The following MEMO1 variants were observed in gnomAD, a reference collection of about 807,000 sequenced individuals.
MEMO1 encodes mediator of cell motility 1, also known as protein MEMO1.
MEMO1 carries 6 observed loss-of-function variants against 45.2 expected under a neutral mutation model. The ratio of observed to expected loss-of-function variants is 0.13; its 90% CI spans 0.07 to 0.26. The LOEUF is 0.26. Among genes scored for constraint, MEMO1 ranks in the 10% least tolerant of loss-of-function variants. The pLI is 1.00. For synonymous variants in MEMO1, 78 were observed against 124.3 expected (o/e 0.63, Z 2.48); for missense variants, 184 against 370.5 (o/e 0.50, Z 4.13).
chr2:31,877,395 C>A (rs183860477), intron 8 of MEMO1, among the ~76,000 whole-genome samples: 1 of 152,262 alleles, frequency 6.6e-6, no homozygotes, highest in African/African-American at 2.4e-5. Flanking sequence ...CAGTGGGATT[C>A]CAGGGATGCT....
chr2:31,923,504 C>T, intron 4 of MEMO1: 1 of 950,894 alleles, frequency 1.1e-6, no homozygotes, highest in South Asian at 3.6e-5. Flanking sequence ...TAAAAGATAG[C>T]ACTCTGGTCA....
intron 6 of MEMO1, among the ~76,000 whole-genome samples, chr2:31,912,161 C>A (rs1001750456): frequency 6.6e-6 from 1 of 151,970 alleles, no homozygotes; most frequent in Non-Finnish European, 1.5e-5. Context: ...AGGGTGAAAC[C>A]CTGTCTCTAC....
chr2:31,946,872 T>C (rs1451364715), intron 2 of MEMO1, among the ~76,000 whole-genome samples: 1 of 152,296 alleles, frequency 6.6e-6, no homozygotes, highest in East Asian at 1.9e-4. Flanking sequence ...ACTGTATTTT[T>C]ACTCTACCTT....
chr2:31,963,146 G>T, intron 2 of MEMO1: 2 of 1,521,472 alleles, frequency 1.3e-6, no homozygotes, highest in South Asian at 1.3e-5. Context: ...ATTTCTTAGG[G>T]CTTCAGACTC....
intron 6 of MEMO1, among the ~76,000 whole-genome samples, chr2:31,917,555 T>C (rs1429189891): frequency 1.3e-5 from 2 of 152,148 alleles, no homozygotes; most frequent in Non-Finnish European, 2.9e-5. Flanking sequence ...CAACATTAAA[T>C]ACAAGCCTAA....
intron 2 of MEMO1, among the ~76,000 whole-genome samples, chr2:31,973,789 G>A (rs1572862162): frequency 6.6e-6 from 1 of 152,194 alleles, no homozygotes; most frequent in East Asian, 1.9e-4. Flanking sequence ...ACAGAAAGCA[G>A]ATTTGTGGTT....
intron 5 of MEMO1, among the ~76,000 whole-genome samples, chr2:31,919,039 A>G (rs1015030131): frequency 6.6e-6 from 1 of 152,074 alleles, no homozygotes; most frequent in Non-Finnish European, 1.5e-5. Flanking sequence ...TGTGATACCT[A>G]AAGCCTCAAA....
intron 5 of MEMO1, among the ~76,000 whole-genome samples, chr2:31,918,533 T>C (rs1018889277): frequency 6.6e-6 from 1 of 152,162 alleles, no homozygotes; most frequent in African/African-American, 2.4e-5. Context: ...TGTGGTATTA[T>C]TTCACACCTG....
chr2:31,909,239 T>C (rs149410994), intron 6 of MEMO1, among the ~76,000 whole-genome samples: 26 of 152,158 alleles, frequency 1.7e-4, no homozygotes, highest in African/African-American at 6.3e-4. Context: ...CAATTCAACA[T>C]AGTACTGGAA....
intron 3 of MEMO1, among the ~76,000 whole-genome samples, chr2:31,938,254 T>G (rs1007339801): frequency 2.6e-5 from 4 of 152,058 alleles, no homozygotes; most frequent in African/African-American, 9.7e-5. Flanking sequence ...TTTCAAAAAC[T>G]TGCCATTTTC....
chr2:31,995,820 C>T (rs971962125), intron 2 of MEMO1, among the ~76,000 whole-genome samples: 3 of 151,896 alleles, frequency 2.0e-5, no homozygotes, highest in Non-Finnish European at 2.9e-5. Context: ...CAAAACTATT[C>T]AAAGGTACAT....
chr2:31,869,966 AAAAG>A lies in MEMO1; in HGVS notation c.658-18_658-15del, dbSNP rs749358382. The stretch of plus-strand genomic sequence containing the variant: ...AATACTCATACCCTAAAAAAAAAAA[AAAAG>A]AAGAGGAAGAAAAAAATAAAAGAAG... On this transcript the variant is annotated splice_polypyrimidine_tract_variant and intron_variant, in intron 8 of 9. Coordinates refer to ENST00000404530, the MANE Select transcript of MEMO1 (RefSeq NM_001301833.4). 1,484 of 1,460,116 alleles carry A rather than the reference AAAAG, an allele frequency of 1.0e-3. No homozygotes were observed. Among genetic ancestry groups the A allele is most frequent in the South Asian group, 3.8e-3 (252 of 66,472 alleles). 90.4% of individuals were successfully genotyped at this position (1,460,116 alleles called of 1,614,324 possible). A position where few individuals can be genotyped will look rare whatever the true frequency, so the allele number is the denominator to read the frequency against.
intron 6 of MEMO1, among the ~76,000 whole-genome samples, chr2:31,895,578 C>G (rs1478563785): frequency 6.6e-6 from 1 of 151,996 alleles, no homozygotes; most frequent in Non-Finnish European, 1.5e-5. Flanking sequence ...ATTAACCAAT[C>G]AGAACAGAGA....
chr2:31,977,511 T>C (rs1558548763), intron 2 of MEMO1, among the ~76,000 whole-genome samples: 1 of 152,004 alleles, frequency 6.6e-6, no homozygotes, highest in Non-Finnish European at 1.5e-5. Flanking sequence ...TATTTACTTA[T>C]TTAATTTATT....
At chr2:31,912,235 C>A (rs912572989) in intron 6 of MEMO1, among the ~76,000 whole-genome samples, 1 of 152,070 alleles carries the variant, frequency 6.6e-6, no homozygotes, top group African/African-American at 2.4e-5. Context: ...ACTTGGGAGG[C>A]TGAGGCAGGA....
chr2:31,919,183 T>G (rs751369873), intron 5 of MEMO1, among the ~76,000 whole-genome samples: 3 of 151,764 alleles, frequency 2.0e-5, no homozygotes, highest in East Asian at 1.9e-4. Flanking sequence ...CCAGGCTGGG[T>G]GACAGCATTT....
chr2:31,908,109 G>A (rs1680028239), intron 6 of MEMO1, among the ~76,000 whole-genome samples: 1 of 152,066 alleles, frequency 6.6e-6, no homozygotes, highest in Non-Finnish European at 1.5e-5. Flanking sequence ...TGGTACTTGG[G>A]TCATTCAATA....
chr2:32,006,643 G>T (rs1457037885), intron 2 of MEMO1, among the ~76,000 whole-genome samples: 1 of 151,198 alleles, frequency 6.6e-6, no homozygotes, highest in African/African-American at 2.4e-5. Flanking sequence ...GCCACAGTTA[G>T]TTTGCTGATA....
At chr2:31,900,013 T>C (rs183519543) in intron 6 of MEMO1, among the ~76,000 whole-genome samples, 418 of 152,290 alleles carry the variant, frequency 2.7e-3, no homozygotes, top group Admixed American at 4.4e-3. Flanking sequence ...TGGCAATCAT[T>C]AAAAAGTCAG....
Sources: gnomAD v4.1 joint callset for allele counts (sites outside exome capture counted in the v4.1 genomes callset) on GRCh38, gnomAD v4.1.1 for gene constraint, MANE v1.5 for transcripts, NCBI Gene and HGNC (gene_info 2026-07-23, HGNC 2026-07-21) for gene names.